Variants in CST7 observed in about 807,000 individuals in gnomAD.
The protein encoded by CST7 is cystatin-F.
CST7 carries 15 observed loss-of-function variants against 13.1 expected under a neutral mutation model. That is an observed-to-expected ratio of 1.14 (90% CI 0.77 to 1.76). The LOEUF is 1.76. Among genes scored for constraint, CST7 ranks in the 40% most tolerant of loss-of-function variants. The pLI is 0.00. For synonymous variants in CST7, 75 were observed against 66.9 expected, an observed-to-expected ratio of 1.12 and a Z score of -0.59; for missense variants, 193 against 178.8, an observed-to-expected ratio of 1.08 and a Z score of -0.45.
At chr20:24,956,128 C>T (rs552182062) in intron 1 of CST7, among the ~76,000 whole-genome samples, 27 of 152,336 alleles carry the variant, frequency 1.8e-4, no homozygotes, top group African/African-American at 5.1e-4. Flanking sequence ...TGCCCACTCC[C>T]GGCGCTGCAC....
At chr20:24,957,580 G>C (rs2087867427) in intron 2 of CST7, 121 bp downstream of exon 2, 5 of 1,000,832 alleles carry the variant, frequency 5.0e-6, no homozygotes, top group Non-Finnish European at 1.5e-6. Flanking sequence ...GCAGAGCTCT[G>C]AGCAGAAAGC....
intron 1 of CST7, among the ~76,000 whole-genome samples, chr20:24,951,755 C>G (rs1191895862): frequency 6.6e-6 from 1 of 152,218 alleles, no homozygotes; most frequent in Non-Finnish European, 1.5e-5. Context: ...CCTCAGGGCA[C>G]CTCTCCTCCC....
intron 1 of CST7, among the ~76,000 whole-genome samples, chr20:24,952,101 C>T (rs1026607660): frequency 2.0e-5 from 3 of 152,246 alleles, no homozygotes; most frequent in African/African-American, 7.2e-5. Flanking sequence ...TTTGTTTTTC[C>T]CAATGGGGGC....
chr20:24,957,223 G>A (rs1485523749), intron 1 of CST7, 64 bp from the exon 2 acceptor site: 11 of 1,532,966 alleles, frequency 7.2e-6, no homozygotes, highest in Middle Eastern at 1.7e-4. Flanking sequence ...GGCATGAGGC[G>A]TGACACCTGG....
chr20:24,949,715 T>A, intron 1 of CST7, 140 bp downstream of exon 1: 1 of 1,147,288 alleles, frequency 8.7e-7, no homozygotes, highest in Non-Finnish European at 1.2e-6. Flanking sequence ...CTGGGAGTGG[T>A]GAGAGGGGCA....
Position 24,949,637 on chromosome 20 carries a change from C to T in CST7, c.70+62C>T, listed in dbSNP as rs543596590. The T allele has an allele frequency of 8.9e-5, 142 of 1,598,812 alleles. 1 individual carries two copies. In the African/African-American group the frequency reaches 1.5e-3, roughly 17 times the overall value. ...CTCTCCCTGAGATTGGCCACTGGTGCCTTGGGTCTTCCCCAGGGCACTTTC... is the reference window on the plus strand; with the variant it reads ...CTCTCCCTGAGATTGGCCACTGGTGTCTTGGGTCTTCCCCAGGGCACTTTC... On this transcript the variant is annotated intron_variant, in intron 1 of 3. Coordinates refer to ENST00000480798, the MANE Select transcript of CST7 (RefSeq NM_003650.4).
At chr20:24,959,486 GTTCT>G in intron 3 of CST7, 145 bp from the exon 4 acceptor site, 1 of 662,652 alleles carries the variant, frequency 1.5e-6, no homozygotes, top group Non-Finnish European at 2.6e-6. Flanking sequence ...TTCTTAAATC[GTTCT>G]TTCAAGTTTT....
At position 24,959,652 on chromosome 20, in the gene CST7, T is replaced by C. The variant is rs1200899904; in HGVS notation, c.378T>C (p.Ser126=). The change falls in exon 4 of 4, where the codon TCT becomes TCC. Residue 126 remains serine (S), a synonymous_variant. Transcript: ENST00000480798. ...TGTTTCAGACTCTGAGCTGCTACTC[T>C]GAAGTCTGGGTCGTGCCCTGGCTCC... ...HTLKQTLSCY[S]EVWVVPWLQH... 6.2e-7 allele frequency: 1 copy of C among 1,614,152 alleles called. No homozygotes were observed. The highest frequency in any genetic ancestry group is 8.5e-7 in the Non-Finnish European group (1 of 1,180,018).
intron 1 of CST7, among the ~76,000 whole-genome samples, chr20:24,952,602 C>G (rs543584004): frequency 6.6e-6 from 1 of 152,238 alleles, no homozygotes; most frequent in African/African-American, 2.4e-5. Flanking sequence ...TGCACCCCCC[C>G]AACACCCCAG....
intron 1 of CST7, among the ~76,000 whole-genome samples, chr20:24,955,758 G>A (rs1377020659): frequency 2.0e-5 from 3 of 152,290 alleles, no homozygotes; most frequent in African/African-American, 7.2e-5. Flanking sequence ...CTTAAGCAAA[G>A]GCTGCAGCAG....
chr20:24,949,793 G>T (rs189580926), intron 1 of CST7, among the ~76,000 whole-genome samples: 28 of 152,190 alleles, frequency 1.8e-4, no homozygotes, highest in Non-Finnish European at 3.8e-4. Flanking sequence ...TTTGGGGGCT[G>T]CCCCAGAAGG....
intron 1 of CST7, among the ~76,000 whole-genome samples, chr20:24,952,886 C>T (rs1568804649): frequency 6.6e-6 from 1 of 152,216 alleles, no homozygotes; most frequent in Admixed American, 6.5e-5. Flanking sequence ...TGCCAGCCCC[C>T]GCTGTGCCCA....
At chr20:24,952,075 C>T (rs1417681972) in intron 1 of CST7, among the ~76,000 whole-genome samples, 2 of 152,210 alleles carry the variant, frequency 1.3e-5, no homozygotes, top group Non-Finnish European at 2.9e-5. Flanking sequence ...GCTGAGCCAC[C>T]GTCTACGTGG....
rs540411312 is a variant in CST7 at position 24,951,649 on chromosome 20, C to T, written c.70+2074C>T. On this transcript the variant is annotated intron_variant, in intron 1 of 3. Transcript: ENST00000480798. ...CCTCATGACTGAGGGGGGTAGGGGG[C>T]GGGGAAGCAACAGGGACCCCAAGGG... 9.9e-5 allele frequency among the ~76,000 whole-genome samples: 15 copies of T among 152,228 alleles called. No individual in the cohort carries two copies. The East Asian group carries it at 1.7e-3, about 18-fold the overall frequency.
chr20:24,953,242 G>A (rs1199695549), intron 1 of CST7, among the ~76,000 whole-genome samples: 1 of 152,196 alleles, frequency 6.6e-6, no homozygotes. Context: ...GGTGATCGCA[G>A]GATCACCAGA....
chr20:24,955,437 G>A (rs1047368463), intron 1 of CST7, among the ~76,000 whole-genome samples: 2 of 151,106 alleles, frequency 1.3e-5, no homozygotes, highest in Admixed American at 6.6e-5. Flanking sequence ...ATCTTCAGAG[G>A]CCTAAAGTCT....
Position 24,959,776 on chromosome 20 carries a change from C to T in CST7, c.*64C>T. On this transcript the variant is annotated 3_prime_UTR_variant, in exon 4 of 4. Transcript: ENST00000480798. ...CCAGGATGCATGCTCCTTGTCCCCTCCCACCCGCCTCATGACCCAGCCTCA... is the reference window on the plus strand; with the variant it reads ...CCAGGATGCATGCTCCTTGTCCCCTTCCACCCGCCTCATGACCCAGCCTCA... The T allele has an allele frequency of 6.6e-7, 1 of 1,509,436 alleles. No homozygotes were observed. The highest frequency in any genetic ancestry group is 9.2e-7 in the Non-Finnish European group (1 of 1,085,352). 93.5% of individuals were successfully genotyped at this position (1,509,436 alleles called of 1,614,324 possible).
At chr20:24,957,102 G>GAACA (rs2087862752) in intron 1 of CST7, among the ~76,000 whole-genome samples, 185 bp from the exon 2 acceptor site, 1 of 23,964 alleles carries the variant, frequency 4.2e-5, no homozygotes, top group Non-Finnish European at 9.1e-5. Context: ...GGGGTGGGTA[G>GAACA]GGTGGGGGCA....
Position 24,958,985 on chromosome 20 carries a change from A to T in CST7, c.301A>T (p.Lys101Ter). The change falls in exon 3 of 4, where the codon AAA (lysine) becomes TAA (stop). Residue 101 changes from lysine to a stop codon, truncating the protein, a stop_gained. Transcript: ENST00000480798. LOFTEE classifies it high-confidence loss of function. Reference protein sequence around the residue: ...EVEIGRTTCKKNQHLRLDDCD... With the variant: ...EVEIGRTTCK Reference sequence around the variant, plus strand: ...GGAAATTGGCAGAACTACCTGCAAGAAAAACCAGCACCTGCGTCTGGATGA... The same window carrying T: ...GGAAATTGGCAGAACTACCTGCAAGTAAAACCAGCACCTGCGTCTGGATGA... The T allele has an allele frequency of 1.9e-6, 3 of 1,613,956 alleles. No homozygotes were observed. The highest frequency in any genetic ancestry group is 2.5e-6 in the Non-Finnish European group (3 of 1,179,844).
Sources: allele counts gnomAD v4.1 joint callset (sites outside exome capture counted in the v4.1 genomes callset), GRCh38; gene constraint gnomAD v4.1.1; transcripts MANE v1.5; gene names NCBI Gene and HGNC (gene_info 2026-07-23, HGNC 2026-07-21).